SEMA5A: variants seen among roughly 807,000 people sequenced by gnomAD.
SEMA5A encodes semaphorin-5A.
SEMA5A carries 55 observed loss-of-function variants against 135.5 expected under a neutral mutation model. The observed-to-expected ratio is 0.41, with a 90% CI of 0.33 to 0.51. The LOEUF (loss-of-function observed/expected upper bound fraction) is 0.51. Ranked by LOEUF, SEMA5A falls within the 20% of genes least tolerant of loss-of-function variation. The pLI is 0.37. For missense variants in SEMA5A, 1,290 were observed against 1,419.9 expected, an observed-to-expected ratio of 0.91 and a Z score of 1.47; for synonymous variants, 580 against 546.5, an observed-to-expected ratio of 1.06 and a Z score of -0.85.
At chr5:9,281,664 C>T (rs1440807766) in intron 5 of SEMA5A, among the ~76,000 whole-genome samples, 1 of 152,104 alleles carries the variant, frequency 6.6e-6, no homozygotes, top group African/African-American at 2.4e-5. Context: ...TATAGACCCC[C>T]AGATCACCAA....
intron 1 of SEMA5A, among the ~76,000 whole-genome samples, chr5:9,460,542 T>C (rs1466254690): frequency 1.3e-5 from 2 of 152,114 alleles, no homozygotes; most frequent in Admixed American, 1.3e-4. Flanking sequence ...ATTAAAAAAG[T>C]AATAAAATAT....
chr5:9,342,472 A>G (rs1329393754), intron 3 of SEMA5A, among the ~76,000 whole-genome samples: 1 of 152,204 alleles, frequency 6.6e-6, no homozygotes, highest in Non-Finnish European at 1.5e-5. Flanking sequence ...TTCAAAAGCT[A>G]TATGGGTGAC....
chr5:9,043,648 A>G (rs73043631), intron 22 of SEMA5A, among the ~76,000 whole-genome samples: 1,866 of 152,322 alleles, frequency 0.012, 41 homozygotes, highest in African/African-American at 0.042. Flanking sequence ...AGGGTGCCCA[A>G]TGGCCATCTG....
At chr5:9,402,819 G>A (rs1756721119) in intron 2 of SEMA5A, among the ~76,000 whole-genome samples, 1 of 152,130 alleles carries the variant, frequency 6.6e-6, no homozygotes, top group African/African-American at 2.4e-5. Flanking sequence ...CAGTATCCTG[G>A]TTGAATCATT....
intron 21 of SEMA5A, among the ~76,000 whole-genome samples, chr5:9,048,286 G>A (rs984451834): frequency 6.6e-6 from 1 of 152,152 alleles, no homozygotes; most frequent in African/African-American, 2.4e-5. Context: ...GGATCCCACT[G>A]GCTGAATTCC....
intron 3 of SEMA5A, among the ~76,000 whole-genome samples, chr5:9,374,915 C>T (rs1271456303): frequency 6.6e-6 from 1 of 151,988 alleles, no homozygotes; most frequent in Non-Finnish European, 1.5e-5. Context: ...AGTTGCTGTG[C>T]CCTCCTACAG....
intron 21 of SEMA5A, among the ~76,000 whole-genome samples, chr5:9,047,062 T>C (rs1335461373): frequency 6.6e-5 from 10 of 152,314 alleles, no homozygotes; most frequent in African/African-American, 2.4e-4. Flanking sequence ...AGGGGACATT[T>C]CACCAGCAGC....
intron 1 of SEMA5A, among the ~76,000 whole-genome samples, chr5:9,503,348 G>T (rs1466055149): frequency 2.0e-5 from 3 of 152,212 alleles, no homozygotes; most frequent in African/African-American, 7.2e-5. Context: ...TCCAGGCACA[G>T]GTAACATCTT....
rs79264434 is a variant in SEMA5A, at chr5:9,390,022, C to G, written c.-77-9999G>C. On this transcript the variant is annotated intron_variant, in intron 2 of 22. Coordinates refer to ENST00000382496, the MANE Select transcript of SEMA5A (RefSeq NM_003966.3). ...TGCAAATCCACATGTGCCTCTCTAC[C>G]TTACCTCTGTACCTCTTTACAATAT... is the stretch of plus-strand genomic sequence containing the variant. 3.7e-3 allele frequency among the ~76,000 whole-genome samples: 569 copies of G among 152,352 alleles called. 18 individuals are homozygous for G. In the East Asian group the frequency reaches 0.084, roughly 23 times the overall value.
At chr5:9,154,093 A>ATATATATATATGTGTGTGTGTGTG (rs372321939) in intron 12 of SEMA5A, among the ~76,000 whole-genome samples, 14 of 73,474 alleles carry the variant, frequency 1.9e-4, no homozygotes, top group Non-Finnish European at 2.2e-4. Context: ...ATATATATAT[A>ATATATATATATGTGTGTGTGTGTG]TGTGTGTGTG....
chr5:9,360,468 T>C (rs1377646984), intron 3 of SEMA5A, among the ~76,000 whole-genome samples: 1 of 152,246 alleles, frequency 6.6e-6, no homozygotes, highest in African/African-American at 2.4e-5. Flanking sequence ...ACTATCTCAA[T>C]TGTGTCCCCC....
intron 11 of SEMA5A, among the ~76,000 whole-genome samples, chr5:9,177,431 C>T (rs967310487): frequency 6.6e-6 from 1 of 152,190 alleles, no homozygotes; most frequent in African/African-American, 2.4e-5. Context: ...GCCTGAGGTT[C>T]TATGAGGGCA....
chr5:9,464,060 G>C (rs973589878), intron 1 of SEMA5A, among the ~76,000 whole-genome samples: 1 of 152,134 alleles, frequency 6.6e-6, no homozygotes, highest in African/African-American at 2.4e-5. Context: ...GCTGGTCTGT[G>C]CATGGTGAGA....
At chr5:9,071,085 A>G (rs1395576452) in intron 16 of SEMA5A, among the ~76,000 whole-genome samples, 3 of 152,236 alleles carry the variant, frequency 2.0e-5, no homozygotes, top group African/African-American at 7.2e-5. Flanking sequence ...TAAGGTTCTT[A>G]ATATTCTGGT....
Position 9,221,416 on chromosome 5 carries a change from C to T in SEMA5A, c.646+3258G>A, listed in dbSNP as rs936415865. Among the ~76,000 whole-genome samples the T allele has an allele frequency of 5.3e-5, 8 of 150,760 alleles. 1 individual carries two copies. Among genetic ancestry groups the T allele is most frequent in the Non-Finnish European group, 1.0e-4 (7 of 67,540 alleles). ...CTCCCGGGTTCACACCATTCTCCTG[C>T]CTCAGCCTCCCGAGTAGCTGGGACT... On this transcript the variant is annotated intron_variant, in intron 8 of 22. Coordinates refer to ENST00000382496, the MANE Select transcript of SEMA5A (RefSeq NM_003966.3).
chr5:9,057,206 A>G (rs993864413), intron 18 of SEMA5A, among the ~76,000 whole-genome samples: 95 of 152,332 alleles, frequency 6.2e-4, no homozygotes, highest in African/African-American at 2.2e-3. Flanking sequence ...TCTACTATAC[A>G]TCGTTGTATA....
rs537381046 is a variant in SEMA5A, at chr5:9,341,576, T to A, written c.125-3764A>T. 2.0e-5 allele frequency among the ~76,000 whole-genome samples: 3 copies of A among 150,962 alleles called. No homozygotes were observed. In the East Asian group the frequency reaches 5.8e-4, roughly 29 times the overall value. ...CAGTGAGTTTACCTTTTTCCTCCTA[T>A]CCCTATTTTCTGATATTGCTGAAAT... On this transcript the variant is annotated intron_variant, in intron 3 of 22. Coordinates refer to ENST00000382496, the MANE Select transcript of SEMA5A (RefSeq NM_003966.3).
chr5:9,155,991 A>G (rs1340873166), intron 11 of SEMA5A, among the ~76,000 whole-genome samples: 1 of 152,208 alleles, frequency 6.6e-6, no homozygotes, highest in Non-Finnish European at 1.5e-5. Flanking sequence ...TAAATATGCT[A>G]CTTTTTAAAA....
At position 9,545,222 on chromosome 5, in the gene SEMA5A, G is replaced by C. The variant is rs1323136857; in HGVS notation, c.-175+362C>G. Among the ~76,000 whole-genome samples, 2 of 152,212 alleles carry C rather than the reference G, an allele frequency of 1.3e-5. No homozygotes were observed. Among genetic ancestry groups the C allele is most frequent in the East Asian group, 3.9e-4 (2 of 5,116 alleles). Reference sequence around the variant, plus strand: ...CGGCTCGCGGCAGTGCGAGCCTGGAGGCGCGCCGGGGGCGGGCACAGACCA... The same window carrying C: ...CGGCTCGCGGCAGTGCGAGCCTGGACGCGCGCCGGGGGCGGGCACAGACCA... On this transcript the variant is annotated intron_variant, in intron 1 of 22. Transcript: ENST00000382496. The surrounding 1 kb of genome is among the most constrained non-coding windows in gnomAD (Gnocchi z 4.5).
Sources: allele counts gnomAD v4.1 joint callset (sites outside exome capture counted in the v4.1 genomes callset), GRCh38; gene constraint gnomAD v4.1.1; non-coding constraint Gnocchi (gnomAD v3.1); transcripts MANE v1.5; gene names NCBI Gene and HGNC (gene_info 2026-07-23, HGNC 2026-07-21).